CHD5: variants seen among roughly 807,000 people sequenced by gnomAD.
CHD5 encodes ATP-dependent chromatin remodeler CHD5.
CHD5 carries 69 observed loss-of-function variants against 230.3 expected under a neutral mutation model. The observed-to-expected ratio is 0.30, with a 90% CI of 0.25 to 0.37. The LOEUF is 0.37. Among genes scored for constraint, CHD5 ranks in the 10% least tolerant of loss-of-function variants. CHD5 has a pLI of 1.00. For synonymous variants in CHD5, 1,064 were observed against 1,065.9 expected (o/e 1.00, Z 0.03); for missense variants, 1,827 against 2,622.8 (o/e 0.70, Z 6.63).
In CHD5 at chr1:6,154,773, G is replaced by A. The variant is rs1333162189; in HGVS notation, c.632C>T (p.Ala211Val). ...CGTCTCTACAGCCGCAGCCACCGCC[G>A]CCGCCGCTGCTGCCGCGGAGCTGCC... ...FKGSSAAAAA[A>V]AVAAAVETVT... The change falls in exon 5 of 42, where the codon GCG (alanine) becomes GTG (valine). Residue 211 changes from alanine to valine, a missense_variant. By Grantham distance (64) the Ala-to-Val change is moderately conservative. Coordinates refer to ENST00000262450, the MANE Select transcript of CHD5 (RefSeq NM_015557.3). This position sits in a 1 kb window ranked among gnomAD's most constrained non-coding sequence, Gnocchi z 7.0. 9.9e-6 allele frequency: 16 copies of A among 1,612,666 alleles called. No individual in the cohort carries two copies. Among genetic ancestry groups the A allele is most frequent in the Middle Eastern group, 1.7e-4 (1 of 5,994 alleles).
intron 2 of CHD5, among the ~76,000 whole-genome samples, chr1:6,161,098 C>T (rs1667170246): frequency 6.6e-6 from 1 of 151,632 alleles, no homozygotes; most frequent in Non-Finnish European, 1.5e-5. Flanking sequence ...ACAGCAGTGG[C>T]CAGGAGGGAG....
chr1:6,110,104 G>A (rs941419964), intron 37 of CHD5, 114 bp from the exon 38 acceptor site: 3 of 1,076,516 alleles, frequency 2.8e-6, no homozygotes, highest in East Asian at 2.6e-5. Context: ...GAAAGAGGAC[G>A]TACTGCCATC....
In CHD5 at chr1:6,124,104, G is replaced by C. The variant is rs1666514974; in HGVS notation, c.4543C>G (p.Gln1515Glu). ...TTCCCGTTGACATGCTCAAACTCCT[G>C]AACCTGGGGTGGTGGGAGGGAAGGT... ...GVMSLVRKKVQEFEHVNGKYS... is the reference protein window; with the variant it reads ...GVMSLVRKKVEEFEHVNGKYS... The change falls in exon 31 of 42, where the codon CAG becomes GAG. Residue 1515 changes from glutamine (Q) to glutamate (E), a missense_variant. By Grantham distance (29) the Gln-to-Glu change is conservative (BLOSUM62 2). Transcript: ENST00000262450. The C allele has an allele frequency of 1.2e-6, 2 of 1,611,884 alleles. No individual in the cohort carries two copies. Among genetic ancestry groups the C allele is most frequent in the East Asian group, 4.5e-5 (2 of 44,758 alleles).
chr1:6,177,271 C>T (rs536328781), intron 1 of CHD5, among the ~76,000 whole-genome samples: 1 of 152,274 alleles, frequency 6.6e-6, no homozygotes, highest in African/African-American at 2.4e-5. Context: ...TGCATAGGGG[C>T]TATGAGGAAG....
rs773163009 is a variant in CHD5, at chr1:6,146,675, T to C, written c.1580A>G (p.Lys527Arg). The C allele has an allele frequency of 2.5e-6, 4 of 1,613,798 alleles. No homozygotes were observed. In the Admixed American group the frequency reaches 6.7e-5, roughly 27 times the overall value. Residue 527 changes from lysine to arginine, a missense_variant, in exon 10 of 42, where the codon AAG (lysine) becomes AGG (arginine). Around this residue, in one of 14 missense-constraint regions of CHD5, gnomAD observed 657 missense variants for 816.4 expected, o/e 0.80. Transcript: ENST00000262450. This position sits in a 1 kb window ranked among gnomAD's most constrained non-coding sequence, Gnocchi z 5.1. ...CTCCCGGGCACTCACCTGTAGCTCC[T>C]TCACCCAGGAGCAATGCCAGTAGGA... The part of the protein sequence containing the change: ...GLSYWHCSWV[K>R]ELQLELYHTV...
At position 6,109,774 on chromosome 1, in the gene CHD5, T is replaced by G. The variant is rs748357324; in HGVS notation, c.5578+21A>C. The G allele has an allele frequency of 4.4e-6, 7 of 1,604,262 alleles. No individual in the cohort carries two copies. In the East Asian group the frequency reaches 1.3e-4, roughly 31 times the overall value. On this transcript the variant is annotated intron_variant, in intron 38 of 41. Coordinates refer to ENST00000262450, the MANE Select transcript of CHD5 (RefSeq NM_015557.3). ...GGAGGAAGGGCGGGGGGCTGCACCG[T>G]GGGGGGCAGGACTTGCTCACCCTTG...
At chr1:6,160,478 A>G (rs1220228235) in intron 2 of CHD5, among the ~76,000 whole-genome samples, 1 of 151,738 alleles carries the variant, frequency 6.6e-6, no homozygotes, top group Admixed American at 6.6e-5. Context: ...GGAGAGCCCC[A>G]GCCAGGGAAG....
rs921114281 is a variant in CHD5, at chr1:6,102,670, G to A, written c.*2804C>T. The A allele has an allele frequency of 3.1e-4, 48 of 152,408 alleles. No individual in the cohort carries two copies. Among genetic ancestry groups the A allele is most frequent in the Middle Eastern group, 3.4e-3 (1 of 296 alleles). The allele number at this position is 152,408 out of a possible 1,614,324, so 9.4% of individuals were successfully genotyped here. On this transcript the variant is annotated 3_prime_UTR_variant, in exon 42 of 42. Transcript: ENST00000262450. ...CAAGGCTTGGTCAGCTCCTGACCTC[G>A]GCAGGGGAGCACCCGGGGGACTCTG... is the stretch of plus-strand genomic sequence containing the variant.
intron 17 of CHD5, among the ~76,000 whole-genome samples, chr1:6,135,863 A>G (rs1393042529): frequency 1.3e-5 from 2 of 152,274 alleles, no homozygotes; most frequent in East Asian, 3.9e-4. Flanking sequence ...TACAAAAATT[A>G]GCCGGGCGTG....
At chr1:6,141,094 G>C (rs1666820812) in intron 15 of CHD5, among the ~76,000 whole-genome samples, 1 of 151,410 alleles carries the variant, frequency 6.6e-6, no homozygotes, top group African/African-American at 2.4e-5. Context: ...GACCAGCCTG[G>C]GCAACATGGT....
chr1:6,135,171 G>A, intron 18 of CHD5, 59 bp downstream of exon 18: 7 of 1,601,126 alleles, frequency 4.4e-6, no homozygotes, highest in Non-Finnish European at 6.0e-6. Flanking sequence ...ATCGACCCAG[G>A]AGACCAGCCC....
chr1:6,134,673 C>T lies in CHD5; in HGVS notation c.3012+45G>A, dbSNP rs769014820. ...TACCATGGCGGCCACAGGCACCTAC[C>T]ATGGCGGTCATGGAGAAGCTGCCAT... On this transcript the variant is annotated intron_variant, in intron 19 of 41. Coordinates refer to ENST00000262450, the MANE Select transcript of CHD5 (RefSeq NM_015557.3). The surrounding 1 kb of genome is among the most constrained non-coding windows in gnomAD (Gnocchi z 6.3). 7 of 1,601,942 alleles carry T rather than the reference C, an allele frequency of 4.4e-6. No individual in the cohort carries two copies. The highest frequency in any genetic ancestry group is 6.0e-6 in the Non-Finnish European group (7 of 1,173,692).
At position 6,134,720 on chromosome 1, in the gene CHD5, C is replaced by T. The variant is rs756372764; in HGVS notation, c.3010G>A (p.Val1004Met). ...NHPYLFPVAA[V>M]EAPVLPNGSY... ...CCATGATGGCCGGGGAAACCTACCA[C>T]GGCAGCCACAGGGAAGAGGTAGGGG... The change falls in exon 19 of 42, where the codon GTG becomes ATG. Residue 1004 changes from valine to methionine, a missense_variant and splice_region_variant. Around this residue, in one of 14 missense-constraint regions of CHD5, gnomAD observed 3 missense variants for 24.1 expected, o/e 0.12. Coordinates refer to ENST00000262450, the MANE Select transcript of CHD5 (RefSeq NM_015557.3). The surrounding 1 kb of genome is among the most constrained non-coding windows in gnomAD (Gnocchi z 6.3). The T allele has an allele frequency of 6.2e-6, 10 of 1,614,050 alleles. No individual in the cohort carries two copies. Among genetic ancestry groups the T allele is most frequent in the East Asian group, 4.5e-5 (2 of 44,872 alleles).
rs760587600 is a variant in CHD5, at chr1:6,146,240, T to A, written c.1774A>T (p.Met592Leu). 13 of 1,614,158 alleles carry A rather than the reference T, an allele frequency of 8.1e-6. No homozygotes were observed. The South Asian group carries it at 1.4e-4, about 18-fold the overall frequency. ...FYRYGIKPEW[M>L]MIHRILNHSF... Reference sequence around the variant, plus strand: ...TGGTTCAGGATTCGGTGAATCATCATCCACTCTGGCTTGATGCCATAGCGG... The same window carrying A: ...TGGTTCAGGATTCGGTGAATCATCAACCACTCTGGCTTGATGCCATAGCGG... Residue 592 changes from methionine to leucine, a missense_variant, in exon 11 of 42, where the codon ATG becomes TTG. Met to Leu is a conservative substitution (Grantham distance 15). Transcript: ENST00000262450. This position sits in a 1 kb window ranked among gnomAD's most constrained non-coding sequence, Gnocchi z 5.1.
chr1:6,124,054 A>G lies in CHD5; in HGVS notation c.4593T>C (p.Pro1531=), dbSNP rs748632888. The change falls in exon 31 of 42, where the codon CCT becomes CCC. Residue 1531 remains proline (P), a synonymous_variant. Transcript: ENST00000262450. ...NGKYSTPDLI[P]EGPEGKKSGE... ...CCGACTTCTTCCCCTCGGGCCCCTC[A>G]GGGATCAAGTCTGGGGTGCTGTACT... 8 of 1,613,136 alleles carry G rather than the reference A, an allele frequency of 5.0e-6. No individual in the cohort carries two copies. The South Asian group carries it at 5.5e-5, about 11-fold the overall frequency.
chr1:6,150,087 AATGG>A (rs1317456424), intron 7 of CHD5, among the ~76,000 whole-genome samples: 1 of 145,058 alleles, frequency 6.9e-6, no homozygotes, highest in Non-Finnish European at 1.5e-5. Flanking sequence ...TAGATGGACA[AATGG>A]ATGGATAGAT....
At chr1:6,115,695 G>C (rs758475217) in intron 33 of CHD5, among the ~76,000 whole-genome samples, 1 of 152,188 alleles carries the variant, frequency 6.6e-6, no homozygotes, top group Non-Finnish European at 1.5e-5. Flanking sequence ...ACAACAAGGA[G>C]TGAGCATGGA....
At chr1:6,153,111 G>A (rs1197408718) in intron 5 of CHD5, among the ~76,000 whole-genome samples, 1 of 152,236 alleles carries the variant, frequency 6.6e-6, no homozygotes, top group Non-Finnish European at 1.5e-5. Flanking sequence ...AGGGGGGCCT[G>A]GAGGCAGGGA....
At position 6,125,134 on chromosome 1, in the gene CHD5, G is replaced by A. The variant is rs768065431; in HGVS notation, c.4360C>T (p.Arg1454Trp). The change falls in exon 29 of 42, where the codon CGG becomes TGG. Residue 1454 changes from arginine (R) to tryptophan (W), a missense_variant. Transcript: ENST00000262450. This position sits in a 1 kb window ranked among gnomAD's most constrained non-coding sequence, Gnocchi z 6.7. ...QDAFNSHWLV[R>W]DLRGKSEKEF... ...TTCTCGCTCTTCCCTCGAAGGTCCC[G>A]CACCAGCCAGTGGGAGTTGAAGGCG... 1 of 1,601,758 alleles carries A rather than the reference G, an allele frequency of 6.2e-7. No homozygotes were observed. Among genetic ancestry groups the A allele is most frequent in the Non-Finnish European group, 8.5e-7 (1 of 1,174,622 alleles).
Sources: allele counts gnomAD v4.1 joint callset (sites outside exome capture counted in the v4.1 genomes callset), GRCh38; gene constraint gnomAD v4.1.1; regional missense constraint gnomAD v4.1.1; non-coding constraint Gnocchi (gnomAD v3.1); transcripts MANE v1.5; gene names NCBI Gene and HGNC (gene_info 2026-07-23, HGNC 2026-07-21).